Variants in GALNT17 observed in about 807,000 individuals in gnomAD.
The protein encoded by GALNT17 is UDP-GalNAc:polypeptide N-acetylgalactosaminyltransferase-like 3.
A neutral mutation model predicts 63.7 loss-of-function variants in GALNT17; 29 were observed. The observed-to-expected ratio is 0.46, with a 90% CI of 0.34 to 0.62. The LOEUF (loss-of-function observed/expected upper bound fraction) is 0.62. GALNT17 is among the 20% of genes least tolerant of loss of function. GALNT17 has a pLI of 0.01. For synonymous variants in GALNT17, 305 were observed against 318.3 expected (o/e 0.96, Z 0.45); for missense variants, 603 against 799.6 (o/e 0.75, Z 2.97).
At chr7:71,637,045 T>G (rs1029457457) in intron 6 of GALNT17, among the ~76,000 whole-genome samples, 2 of 152,196 alleles carry the variant, frequency 1.3e-5, no homozygotes, top group Non-Finnish European at 2.9e-5. Flanking sequence ...AGTTTCTTCA[T>G]CTGTAAAATG....
At chr7:71,541,004 C>A (rs372760888) in intron 5 of GALNT17, among the ~76,000 whole-genome samples, 27 of 151,962 alleles carry the variant, frequency 1.8e-4, no homozygotes, top group African/African-American at 6.5e-4. Flanking sequence ...TTTGGGAGGT[C>A]GAGGTGGGCA....
At chr7:71,507,546 C>T (rs117356906) in intron 5 of GALNT17, among the ~76,000 whole-genome samples, 3,698 of 152,270 alleles carry the variant, frequency 0.024, 52 homozygotes, top group African/African-American at 0.038. Context: ...CTGGGTCCGC[C>T]TTTGACCCCT....
At chr7:71,366,925 C>T (rs1178868787) in intron 2 of GALNT17, among the ~76,000 whole-genome samples, 1 of 152,158 alleles carries the variant, frequency 6.6e-6, no homozygotes. Flanking sequence ...TTGATCATCT[C>T]TTCATGTATT....
intron 1 of GALNT17, among the ~76,000 whole-genome samples, chr7:71,202,762 C>T (rs1487053730): frequency 6.6e-6 from 1 of 152,188 alleles, no homozygotes; most frequent in Admixed American, 6.5e-5. Flanking sequence ...ACCTTTGTAA[C>T]AAAACCCCAC....
chr7:71,686,595 G>T (rs78093063), intron 9 of GALNT17, among the ~76,000 whole-genome samples: 18 of 150,080 alleles, frequency 1.2e-4, no homozygotes, highest in Non-Finnish European at 1.5e-5. Flanking sequence ...TCACTATGTT[G>T]CCCAGGCTGG....
chr7:71,467,938 C>T (rs531166927), intron 5 of GALNT17, among the ~76,000 whole-genome samples: 1 of 151,830 alleles, frequency 6.6e-6, no homozygotes, highest in East Asian at 1.9e-4. Flanking sequence ...TGGGTGAGAA[C>T]CTCTACACCA....
At chr7:71,306,148 C>T (rs4719109) in intron 1 of GALNT17, among the ~76,000 whole-genome samples, 103,390 of 152,090 alleles carry the variant, frequency 0.68, 35,347 homozygotes, top group Middle Eastern at 0.73. Context: ...TGAACCTAGG[C>T]GGCAGAAATA....
chr7:71,427,524 A>G (rs752156812), intron 5 of GALNT17, among the ~76,000 whole-genome samples: 21 of 151,978 alleles, frequency 1.4e-4, no homozygotes, highest in Admixed American at 2.6e-4. Context: ...TTTTGACCCC[A>G]TGCAGGCAGT....
At chr7:71,600,327 G>A (rs866000788) in intron 6 of GALNT17, among the ~76,000 whole-genome samples, 5 of 151,878 alleles carry the variant, frequency 3.3e-5, no homozygotes, top group African/African-American at 1.2e-4. Flanking sequence ...GATTGATTTA[G>A]ACCAAGAGAG....
At chr7:71,562,716 T>C (rs1789276290) in intron 5 of GALNT17, among the ~76,000 whole-genome samples, 1 of 152,164 alleles carries the variant, frequency 6.6e-6, no homozygotes, top group Non-Finnish European at 1.5e-5. Flanking sequence ...CACCTCCTGA[T>C]GGGCAACTTG....
At chr7:71,675,413 A>C (rs1246905252) in intron 8 of GALNT17, among the ~76,000 whole-genome samples, 2 of 152,200 alleles carry the variant, frequency 1.3e-5, no homozygotes, top group African/African-American at 4.8e-5. Context: ...GGCAGCCTCA[A>C]ATCATGACGT....
chr7:71,366,192 C>T (rs1293535821), intron 2 of GALNT17, among the ~76,000 whole-genome samples: 1 of 152,120 alleles, frequency 6.6e-6, no homozygotes, highest in Non-Finnish European at 1.5e-5. Context: ...TCTCCTGACG[C>T]TCACCTCCTG....
In GALNT17 at chr7:71,600,006, A is replaced by G. The variant is rs535027028; in HGVS notation, c.1080+28604A>G. Among the ~76,000 whole-genome samples the G allele has an allele frequency of 7.9e-5, 12 of 151,980 alleles. No homozygotes were observed. The East Asian group carries it at 1.4e-3, about 18-fold the overall frequency. ...ACAACCAAAATATCTTCAGACATGGACAAATATCCCCCAGGAGAGAGGACA... is the reference window on the plus strand; with the variant it reads ...ACAACCAAAATATCTTCAGACATGGGCAAATATCCCCCAGGAGAGAGGACA... On this transcript the variant is annotated intron_variant, in intron 6 of 10. Coordinates refer to ENST00000333538, the MANE Select transcript of GALNT17 (RefSeq NM_022479.3).
chr7:71,589,110 A>T (rs1425951520), intron 6 of GALNT17, among the ~76,000 whole-genome samples: 1 of 152,266 alleles, frequency 6.6e-6, no homozygotes, highest in African/African-American at 2.4e-5. Context: ...AGAAGCCACA[A>T]TGAGGGGAAA....
rs1409056939 is a variant in GALNT17, at chr7:71,280,294, TAAG to T, written c.239-55255_239-55253del. ...TCATCTTCATGGTTTCCCTGTGCAG[TAAG>T]TGTGATTGTCCCCATCTGACTGCGT... On this transcript the variant is annotated intron_variant, in intron 1 of 10. Coordinates refer to ENST00000333538, the MANE Select transcript of GALNT17 (RefSeq NM_022479.3). Among the ~76,000 whole-genome samples the T allele has an allele frequency of 1.3e-5, 2 of 152,106 alleles. 1 individual carries two copies.
rs190994257 is a variant in GALNT17, at chr7:71,270,394, G to A, written c.239-65156G>A. Among the ~76,000 whole-genome samples, 159 of 152,030 alleles carry A rather than the reference G, an allele frequency of 1.0e-3. 3 individuals are homozygous for A. The highest frequency in any genetic ancestry group is 3.8e-3 in the African/African-American group (158 of 41,504). ...ACAAAAATTAGCTGGGCGTGGTGGT[G>A]GGCGCTTGTAATCCTAGCTACTCTG... On this transcript the variant is annotated intron_variant, in intron 1 of 10. Transcript: ENST00000333538.
At chr7:71,595,688 C>T (rs924710860) in intron 6 of GALNT17, among the ~76,000 whole-genome samples, 2 of 151,614 alleles carry the variant, frequency 1.3e-5, no homozygotes, top group Non-Finnish European at 2.9e-5. Context: ...CACACACACA[C>T]ACACACACAC....
chr7:71,452,775 C>G (rs972665484), intron 5 of GALNT17, among the ~76,000 whole-genome samples: 1 of 152,210 alleles, frequency 6.6e-6, no homozygotes, highest in African/African-American at 2.4e-5. Flanking sequence ...AGGGGCCTCT[C>G]TGGTGGATAC....
intron 1 of GALNT17, among the ~76,000 whole-genome samples, chr7:71,285,668 A>T (rs1041369066): frequency 6.6e-6 from 1 of 152,208 alleles, no homozygotes; most frequent in Non-Finnish European, 1.5e-5. Flanking sequence ...GACCCCAAAA[A>T]GATCTCTCAT....
Sources: gnomAD v4.1 joint callset for allele counts (sites outside exome capture counted in the v4.1 genomes callset) on GRCh38, gnomAD v4.1.1 for gene constraint, MANE v1.5 for transcripts, NCBI Gene and HGNC (gene_info 2026-07-23, HGNC 2026-07-21) for gene names.